The following ASIC2 variants were observed in gnomAD, a reference collection of about 807,000 sequenced individuals.
ASIC2 encodes the protein acid sensing ion channel subunit 2.
ASIC2 carries 25 observed loss-of-function variants against 57.3 expected under a neutral mutation model. That is an observed-to-expected ratio of 0.44 (90% CI 0.32 to 0.61). ASIC2 has a LOEUF of 0.61. Ranked by LOEUF, ASIC2 falls within the 20% of genes least tolerant of loss-of-function variation. ASIC2 has a pLI of 0.06. For synonymous variants in ASIC2, 319 were observed against 307.5 expected, an observed-to-expected ratio of 1.04 and a Z score of -0.39; for missense variants, 641 against 738.1, an observed-to-expected ratio of 0.87 and a Z score of 1.52.
At chr17:34,040,007 C>A (rs532166538) in intron 1 of ASIC2, 30 of 564,232 alleles carry the variant, frequency 5.3e-5, no homozygotes, top group Admixed American at 1.4e-4. Context: ...AGCGCCGCAA[C>A]CCCCCGCCCG....
chr17:33,444,053 C>T (rs1344319661), intron 1 of ASIC2, among the ~76,000 whole-genome samples: 1 of 152,188 alleles, frequency 6.6e-6, no homozygotes, highest in Non-Finnish European at 1.5e-5. Flanking sequence ...TAGACTCCCT[C>T]TGTTCTTACC....
intron 1 of ASIC2, among the ~76,000 whole-genome samples, chr17:33,212,240 A>G (rs951413205): frequency 6.6e-6 from 1 of 152,212 alleles, no homozygotes; most frequent in Non-Finnish European, 1.5e-5. Context: ...AAGCTCCTTG[A>G]GATAAGAAGA....
At chr17:33,134,688 A>T (rs1379519105) in intron 1 of ASIC2, among the ~76,000 whole-genome samples, 3 of 152,208 alleles carry the variant, frequency 2.0e-5, no homozygotes, top group Admixed American at 1.3e-4. Flanking sequence ...GTCCTGCCTG[A>T]GTAGAGAGCC....
intron 1 of ASIC2, among the ~76,000 whole-genome samples, chr17:34,097,460 C>T (rs555867083): frequency 1.3e-5 from 2 of 152,178 alleles, no homozygotes; most frequent in Admixed American, 6.5e-5. Context: ...TCACAAACCT[C>T]AGAATGATCC....
chr17:33,689,366 G>A (rs72812920), intron 1 of ASIC2, among the ~76,000 whole-genome samples: 27,310 of 152,024 alleles, frequency 0.18, 2,689 homozygotes, highest in East Asian at 0.27. Flanking sequence ...CACAGCACCC[G>A]GACTAGCCTC....
intron 1 of ASIC2, among the ~76,000 whole-genome samples, chr17:33,454,229 G>A (rs928312585): frequency 2.6e-5 from 4 of 152,214 alleles, no homozygotes; most frequent in Non-Finnish European, 5.9e-5. Flanking sequence ...AAAGAGACAG[G>A]AAGAGGCAGT....
rs117412836 is a variant in ASIC2 at position 33,121,480 on chromosome 17, A to T, written c.709-9413T>A. Among the ~76,000 whole-genome samples, 531 of 152,190 alleles carry T rather than the reference A, an allele frequency of 3.5e-3. 1 individual carries two copies. The Middle Eastern group carries it at 0.037, about 11-fold the overall frequency. ...AAGTGTTGTGAAATTTCCCCTAGGG[A>T]CAGTGGTGGCGACAGCAGTGGTATT... On this transcript the variant is annotated intron_variant, in intron 1 of 9. Coordinates refer to ENST00000225823, the MANE Select transcript of ASIC2 (RefSeq NM_183377.2).
chr17:33,097,882 C>T (rs2092189883), intron 2 of ASIC2, among the ~76,000 whole-genome samples: 1 of 152,222 alleles, frequency 6.6e-6, no homozygotes, highest in Non-Finnish European at 1.5e-5. Context: ...CCCTGCTCCC[C>T]TGCTCACACC....
intron 1 of ASIC2, among the ~76,000 whole-genome samples, chr17:34,128,412 T>G (rs911304677): frequency 9.2e-5 from 14 of 152,302 alleles, no homozygotes; most frequent in East Asian, 5.8e-4. Flanking sequence ...CTGGTCCCAC[T>G]GTGCCTGCCT....
intron 1 of ASIC2, among the ~76,000 whole-genome samples, chr17:33,748,395 T>G (rs757733490): frequency 1.3e-5 from 2 of 152,214 alleles, no homozygotes; most frequent in South Asian, 2.1e-4. Context: ...TTATGGAAAC[T>G]CCTTTGGCCT....
At chr17:34,088,711 CTTTG>C (rs970493092) in intron 1 of ASIC2, among the ~76,000 whole-genome samples, 9 of 152,234 alleles carry the variant, frequency 5.9e-5, no homozygotes, top group South Asian at 2.1e-4. Context: ...TTCCCGGCTG[CTTTG>C]TTTACCTAAG....
chr17:33,659,904 AAATAAAT>A (rs1567681648), intron 1 of ASIC2, among the ~76,000 whole-genome samples: 1 of 142,962 alleles, frequency 7.0e-6, no homozygotes, highest in Non-Finnish European at 1.5e-5. Flanking sequence ...ATAAATAAAT[AAATAAAT>A]AAATAAAATA....
rs564696394 is a variant in ASIC2 at position 33,310,101 on chromosome 17, T to C, written c.556-198034A>G. ...CTCCGTATTATTGTTATACCATTAT[T>C]TGATGCTTGTTCATTGAAGCCTGGG... On this transcript the variant is annotated intron_variant, in intron 1 of 9. Transcript: ENST00000359872. 2.5e-3 allele frequency among the ~76,000 whole-genome samples: 383 copies of C among 151,862 alleles called. 3 individuals carry two copies. The highest frequency in any genetic ancestry group is 8.9e-3 in the African/African-American group (370 of 41,366).
intron 3 of ASIC2, among the ~76,000 whole-genome samples, chr17:33,076,581 C>A (rs1466845566): frequency 6.6e-6 from 1 of 152,224 alleles, no homozygotes; most frequent in Non-Finnish European, 1.5e-5. Context: ...GTAGGCACCA[C>A]TCTAGACTTT....
intron 1 of ASIC2, among the ~76,000 whole-genome samples, chr17:33,510,365 AG>A (rs1441207166): frequency 6.6e-6 from 1 of 152,198 alleles, no homozygotes; most frequent in Non-Finnish European, 1.5e-5. Flanking sequence ...GAAAAAGCAG[AG>A]GGTAGCCTGG....
intron 1 of ASIC2, among the ~76,000 whole-genome samples, chr17:33,875,158 A>G (rs1914517339): frequency 6.6e-6 from 1 of 152,240 alleles, no homozygotes; most frequent in South Asian, 2.1e-4. Flanking sequence ...CATGGAGTGG[A>G]AAAAAGTGGG....
At chr17:33,594,941 C>T (rs981127266) in intron 1 of ASIC2, among the ~76,000 whole-genome samples, 10 of 151,280 alleles carry the variant, frequency 6.6e-5, no homozygotes, top group Admixed American at 2.0e-4. Flanking sequence ...AAATTGATGG[C>T]GAGGTGCAGT....
intron 1 of ASIC2, chr17:34,069,608 T>A (rs1328841313): frequency 6.6e-6 from 1 of 152,286 alleles, no homozygotes; most frequent in African/African-American, 2.4e-5. Flanking sequence ...AGTCCCTCCA[T>A]CCAGGGCTAG....
At chr17:33,710,265 A>C (rs1023131419) in intron 1 of ASIC2, among the ~76,000 whole-genome samples, 6 of 152,236 alleles carry the variant, frequency 3.9e-5, no homozygotes, top group African/African-American at 1.4e-4. Flanking sequence ...CCATTTATCC[A>C]TTCATCCATC....
Sources: allele counts gnomAD v4.1 joint callset (sites outside exome capture counted in the v4.1 genomes callset), GRCh38; gene constraint gnomAD v4.1.1; transcripts MANE v1.5; gene names NCBI Gene and HGNC (gene_info 2026-07-23, HGNC 2026-07-21).